The following ABL2 variants were observed in gnomAD, a reference collection of about 807,000 sequenced individuals.
ABL2 encodes tyrosine-protein kinase ABL2.
Under a neutral mutation model 107.7 loss-of-function variants are expected in ABL2, and 49 were observed. That is an observed-to-expected ratio of 0.45 (90% CI 0.36 to 0.58). ABL2 has a LOEUF of 0.58. Among genes scored for constraint, ABL2 ranks in the 20% least tolerant of loss-of-function variants. ABL2 has a pLI of 0.00. For synonymous variants in ABL2, 549 were observed against 548.6 expected, an observed-to-expected ratio of 1.00 and a Z score of -0.01; for missense variants, 1,245 against 1,457.0, an observed-to-expected ratio of 0.85 and a Z score of 2.37.
At chr1:179,157,916 C>T (rs1658808338) in intron 1 of ABL2, among the ~76,000 whole-genome samples, 3 of 152,076 alleles carry the variant, frequency 2.0e-5, no homozygotes, top group Admixed American at 2.0e-4. Context: ...GTTTCTTCAC[C>T]AGGATAGCTG....
intron 8 of ABL2, among the ~76,000 whole-genome samples, chr1:179,115,958 A>T (rs1344344429): frequency 6.6e-6 from 1 of 152,162 alleles, no homozygotes; most frequent in Non-Finnish European, 1.5e-5. Flanking sequence ...CAACCAAATC[A>T]TATTACCTCT....
chr1:179,110,979 GCTTTT>G, intron 10 of ABL2: 1 of 1,067,622 alleles, frequency 9.4e-7, no homozygotes, highest in East Asian at 2.7e-5. Context: ...ATTATTTTTG[GCTTTT>G]TTTTTTTTTT....
At chr1:179,219,877 C>A (rs1662778185) in intron 1 of ABL2, among the ~76,000 whole-genome samples, 1 of 152,250 alleles carries the variant, frequency 6.6e-6, no homozygotes. Flanking sequence ...AAAACATTTT[C>A]ACATACAACT....
chr1:179,219,359 G>A (rs1164315464), intron 1 of ABL2, among the ~76,000 whole-genome samples: 2 of 151,704 alleles, frequency 1.3e-5, no homozygotes, highest in Non-Finnish European at 2.9e-5. Context: ...AAGCCTTTAA[G>A]AAGAAACTTT....
chr1:179,188,577 C>G (rs73044749), intron 1 of ABL2, among the ~76,000 whole-genome samples: 14,360 of 152,068 alleles, frequency 0.094, 711 homozygotes, highest in African/African-American at 0.12. Context: ...AGCACCTCTA[C>G]TATCACTCTC....
chr1:179,229,208 C>CCCCCCCCCCCA, intron 1 of ABL2, 33 bp downstream of exon 1: 5 of 1,488,044 alleles, frequency 3.4e-6, no homozygotes, highest in Non-Finnish European at 3.6e-6. Context: ...CGGCCTCCCC[C>CCCCCCCCCCCA]ACGCTCTCAT....
chr1:179,137,495 T>C (rs1299247660), intron 1 of ABL2, among the ~76,000 whole-genome samples: 1 of 152,162 alleles, frequency 6.6e-6, no homozygotes, highest in Non-Finnish European at 1.5e-5. Flanking sequence ...CTCTGTTTAA[T>C]GATTATCAGT....
chr1:179,165,873 G>A (rs567621280), intron 1 of ABL2, among the ~76,000 whole-genome samples: 1 of 151,838 alleles, frequency 6.6e-6, no homozygotes, highest in African/African-American at 2.4e-5. Context: ...TTGGCTCACT[G>A]CAACCTCTGC....
In ABL2 at chr1:179,103,922, G is replaced by C. The variant is rs1653305786; in HGVS notation, c.*3796C>G. On this transcript the variant is annotated 3_prime_UTR_variant, in exon 12 of 12. Transcript: ENST00000502732. ...CTATAAACCAAAGGGTTGGGGTACT[G>C]ATAGTTTTCAGATAGCACTGGGTGT... 1.7e-5 allele frequency: 4 copies of C among 232,952 alleles called. No individual in the cohort carries two copies. The allele number at this position is 232,952 out of a possible 1,614,324, so 14.4% of individuals were successfully genotyped here. A position where few individuals can be genotyped will look rare whatever the true frequency, so the allele number is the denominator to read the frequency against.
At chr1:179,153,093 A>T (rs1380802674) in intron 1 of ABL2, among the ~76,000 whole-genome samples, 1 of 152,192 alleles carries the variant, frequency 6.6e-6, no homozygotes, top group East Asian at 1.9e-4. Context: ...ATTCAAAAAC[A>T]TTTTTATCAA....
chr1:179,216,298 G>C (rs1230112910), intron 1 of ABL2, among the ~76,000 whole-genome samples: 1 of 152,170 alleles, frequency 6.6e-6, no homozygotes, highest in African/African-American at 2.4e-5. Context: ...ATGAATTTGA[G>C]TGAATTTCAT....
At chr1:179,147,689 A>T (rs1658096825) in intron 1 of ABL2, among the ~76,000 whole-genome samples, 1 of 152,218 alleles carries the variant, frequency 6.6e-6, no homozygotes, top group Non-Finnish European at 1.5e-5. Flanking sequence ...ACCGAATGGA[A>T]TAATATATTC....
rs556007458 is a variant in ABL2, at chr1:179,173,284, G to T, written c.158-39910C>A. 2.0e-4 allele frequency among the ~76,000 whole-genome samples: 30 copies of T among 150,144 alleles called. No individual in the cohort carries two copies. In the South Asian group the frequency reaches 5.9e-3, roughly 29 times the overall value. ...TTCCAAAACTATCAAGAAGTATTTTGAAAGTATGTTTTAGGAAATAGCTCA... is the reference window on the plus strand; with the variant it reads ...TTCCAAAACTATCAAGAAGTATTTTTAAAGTATGTTTTAGGAAATAGCTCA... On this transcript the variant is annotated intron_variant, in intron 1 of 11. Transcript: ENST00000502732.
chr1:179,228,892 G>A (rs1267282041), intron 1 of ABL2, among the ~76,000 whole-genome samples: 1 of 152,054 alleles, frequency 6.6e-6, no homozygotes, highest in African/African-American at 2.4e-5. Context: ...TCCCACCTCT[G>A]GGACTGAGCT....
At chr1:179,115,680 G>T (rs1315242645) in intron 8 of ABL2, among the ~76,000 whole-genome samples, 1 of 152,032 alleles carries the variant, frequency 6.6e-6, no homozygotes, top group South Asian at 2.1e-4. Flanking sequence ...GGCATCCAAG[G>T]GGGGGGTCTT....
At chr1:179,166,749 C>G (rs558967961) in intron 1 of ABL2, among the ~76,000 whole-genome samples, 1 of 149,152 alleles carries the variant, frequency 6.7e-6, no homozygotes, top group Admixed American at 6.8e-5. Flanking sequence ...TGCACTCCAG[C>G]CTTGGTGACA....
intron 10 of ABL2, 43 bp downstream of exon 10, chr1:179,112,266 T>TA (rs1358124195): frequency 6.5e-7 from 1 of 1,532,728 alleles, no homozygotes; most frequent in Non-Finnish European, 9.0e-7. Flanking sequence ...CCACCACCAC[T>TA]ACCCAGAATT....
Position 179,126,637 on chromosome 1 carries a change from C to T in ABL2, c.427G>A (p.Gly143Ser). The T allele has an allele frequency of 6.2e-7, 1 of 1,614,052 alleles. No individual in the cohort carries two copies. The highest frequency in any genetic ancestry group is 8.5e-7 in the Non-Finnish European group (1 of 1,179,938). ...KLRVLGYNQN[G>S]EWSEVRSKNG... ...TTAGAGCGAACTTCACTCCACTCAC[C>T]ATTCTGGTTGTAACCAAGGACTCGT... Residue 143 changes from glycine (G) to serine (S), a missense_variant, in exon 4 of 12, where the codon GGT becomes AGT. By Grantham distance (56) the Gly-to-Ser change is moderately conservative. Around this residue, in one of 3 missense-constraint regions of ABL2, gnomAD observed 320 missense variants for 547.0 expected, o/e 0.59. Transcript: ENST00000502732. The surrounding 1 kb of genome is among the most constrained non-coding windows in gnomAD (Gnocchi z 4.4).
rs3046363 is a variant in ABL2, at chr1:179,229,632, A to ACGCCGCCGCCGCCGCCGC, written c.-253_-236dup. 2.2e-3 allele frequency: 1,007 copies of ACGCCGCCGCCGCCGCCGC among 451,770 alleles called. 15 individuals are homozygous for ACGCCGCCGCCGCCGCCGC. Among genetic ancestry groups the ACGCCGCCGCCGCCGCCGC allele is most frequent in the African/African-American group, 0.019 (882 of 45,584 alleles). The allele number at this position is 451,770 out of a possible 1,614,324, so 28.0% of individuals were successfully genotyped here. ...CTCCTGTCGCGGCTCCGCGCCCCCA[A>ACGCCGCCGCCGCCGCCGC]CGCCGCCGCCGCCGCCGCCGCCACC... On this transcript the variant is annotated 5_prime_UTR_variant, in exon 1 of 12. Coordinates refer to ENST00000502732, the MANE Select transcript of ABL2 (RefSeq NM_007314.4).
Sources: gnomAD v4.1 joint callset for allele counts (sites outside exome capture counted in the v4.1 genomes callset) on GRCh38, gnomAD v4.1.1 for gene constraint, gnomAD v4.1.1 regional missense constraint, Gnocchi (gnomAD v3.1) non-coding constraint, MANE v1.5 for transcripts, NCBI Gene and HGNC (gene_info 2026-07-23, HGNC 2026-07-21) for gene names.